The following SMCO2 variants were observed in gnomAD, a reference collection of about 807,000 sequenced individuals.
SMCO2 encodes single-pass membrane protein with coiled-coil domains 2.
In SMCO2, 25 loss-of-function variants were observed where a neutral mutation model predicts 29.5. The ratio of observed to expected loss-of-function variants is 0.85; its 90% CI spans 0.62 to 1.18. The LOEUF is 1.18. Ranked by LOEUF, SMCO2 falls within the 50% of genes most tolerant of loss-of-function variation. SMCO2 has a pLI of 0.00. For synonymous variants in SMCO2, 117 were observed against 123.3 expected (o/e 0.95, Z 0.34); for missense variants, 348 against 344.5 (o/e 1.01, Z -0.08).
chr12:27,489,019 T>G (rs144611147), intron 5 of SMCO2, among the ~76,000 whole-genome samples: 1 of 152,242 alleles, frequency 6.6e-6, no homozygotes, highest in African/African-American at 2.4e-5. Flanking sequence ...TCTTATAGAC[T>G]CTTCTCAAAT....
Position 27,470,703 on chromosome 12 carries a change from GCTGA to G in SMCO2, c.75_78del (p.Thr26ArgfsTer12). On this transcript the variant is annotated frameshift_variant, in exon 2 of 8. Coordinates refer to ENST00000298876, the Ensembl canonical transcript of SMCO2. LOFTEE classifies it high-confidence loss of function. ...TGAAGATGGACTGCCAGGAACAACAGCTGACTAAGAAAAACAATGGCTTTTTCCA... is the reference window on the plus strand; with the variant it reads ...TGAAGATGGACTGCCAGGAACAACAGCTAAGAAAAACAATGGCTTTTTCCA... 6.4e-7 allele frequency: 1 copy of G among 1,551,244 alleles called. No individual in the cohort carries two copies. Among genetic ancestry groups the G allele is most frequent in the East Asian group, 2.4e-5 (1 of 40,916 alleles).
chr12:27,440,861 AG>A, the SMCO2 span, among the ~76,000 whole-genome samples: 1 of 152,212 alleles, frequency 6.6e-6, no homozygotes, highest in Non-Finnish European at 1.5e-5. Context: ...ACAAAGCGAG[AG>A]AGGAGTCTCA....
chr12:27,478,715 T>C (rs1232215133), intron 4 of SMCO2, among the ~76,000 whole-genome samples: 1 of 151,992 alleles, frequency 6.6e-6, no homozygotes, highest in Non-Finnish European at 1.5e-5. Context: ...CCTTGAACAA[T>C]GTACATAGGC....
chr12:27,457,731 C>T, the SMCO2 span, among the ~76,000 whole-genome samples: 4 of 152,236 alleles, frequency 2.6e-5, no homozygotes, highest in South Asian at 2.1e-4. Flanking sequence ...AAAGCATCTT[C>T]CTGATTTCTG....
At chr12:27,430,219 T>C in the SMCO2 span, among the ~76,000 whole-genome samples, 2 of 152,216 alleles carry the variant, frequency 1.3e-5, no homozygotes, top group Non-Finnish European at 2.9e-5. Context: ...GGGAGTTGAA[T>C]TAATGTGATT....
At chr12:27,433,690 A>T in the SMCO2 span, among the ~76,000 whole-genome samples, 1 of 152,272 alleles carries the variant, frequency 6.6e-6, no homozygotes, top group Non-Finnish European at 1.5e-5. Flanking sequence ...TGAAGTCATT[A>T]TTAATTGGAT....
upstream of SMCO2, among the ~76,000 whole-genome samples, chr12:27,462,032 A>T (rs1281655303): frequency 6.6e-6 from 1 of 152,240 alleles, no homozygotes; most frequent in African/African-American, 2.4e-5. Context: ...CTGTTTGGAC[A>T]TCCTTTTATC....
chr12:27,497,933 G>A, intron 7 of SMCO2: 1 of 333,088 alleles, frequency 3.0e-6, no homozygotes, highest in Middle Eastern at 4.3e-4. Context: ...AGTCTCCCGT[G>A]CTGGATTTGG....
At chr12:27,485,491 C>A (rs923197777) in intron 4 of SMCO2, among the ~76,000 whole-genome samples, 1 of 147,700 alleles carries the variant, frequency 6.8e-6, no homozygotes, top group South Asian at 2.1e-4. Context: ...ACTCTGTCAC[C>A]TAGGCTGGAG....
chr12:27,495,655 G>A, intron 6 of SMCO2, 25 bp from the exon 8 acceptor site: 1 of 1,441,476 alleles, frequency 6.9e-7, no homozygotes, highest in Non-Finnish European at 9.3e-7. Flanking sequence ...TTTTTTTAAG[G>A]TACTTGATTA....
the SMCO2 span, among the ~76,000 whole-genome samples, chr12:27,459,351 C>T: frequency 5.6e-3 from 855 of 152,208 alleles, 7 homozygotes; most frequent in African/African-American, 0.019. Context: ...GGCCATTATC[C>T]TATGCAAACT....
rs753505481 is a variant in SMCO2 at position 27,502,035 on chromosome 12, A to G, written c.796A>G (p.Met266Val). The change falls in exon 8 of 8, where the codon ATG becomes GTG. Residue 266 changes from methionine (M) to valine (V), a missense_variant. Coordinates refer to ENST00000298876, the Ensembl canonical transcript of SMCO2. ...TCTCTTTGAAAGGGTGCTTCTGAGA[A>G]TGCTTGGGTGCCGCACCACATGGGA... The G allele has an allele frequency of 2.0e-5, 31 of 1,548,214 alleles. 2 individuals carry two copies. The Middle Eastern group carries it at 1.8e-3, about 92-fold the overall frequency.
chr12:27,445,145 T>A, the SMCO2 span, among the ~76,000 whole-genome samples: 1 of 151,790 alleles, frequency 6.6e-6, no homozygotes, highest in East Asian at 1.9e-4. Flanking sequence ...AAAAAGTGAA[T>A]CTCGTGAAGA....
intron 4 of SMCO2, 142 bp from the exon 5 acceptor site, chr12:27,475,440 A>G (rs1949577274): frequency 1.4e-6 from 1 of 732,256 alleles, no homozygotes; most frequent in African/African-American, 1.9e-5. Flanking sequence ...TCTTTTCTTG[A>G]GGCTTGTGTG....
chr12:27,474,667 A>G, intron 3 of SMCO2, 119 bp from the exon 4 acceptor site: 1 of 1,146,368 alleles, frequency 8.7e-7, no homozygotes, highest in South Asian at 1.5e-5. Flanking sequence ...AGAAAGCTCC[A>G]GTCTCAGAGA....
chr12:27,461,614 T>C, the SMCO2 span, among the ~76,000 whole-genome samples: 2 of 152,250 alleles, frequency 1.3e-5, no homozygotes, highest in African/African-American at 4.8e-5. Context: ...TGACGATGAA[T>C]ATTTACTTAT....
At chr12:27,442,259 T>C in the SMCO2 span, among the ~76,000 whole-genome samples, 4 of 152,068 alleles carry the variant, frequency 2.6e-5, no homozygotes, top group Non-Finnish European at 4.4e-5. Context: ...AAATGAAAAG[T>C]TGGCTTTTTG....
the SMCO2 span, among the ~76,000 whole-genome samples, chr12:27,442,610 G>T: frequency 0.6 from 90,728 of 152,030 alleles, 27,848 homozygotes; most frequent in Middle Eastern, 0.75. Context: ...ACCAACCATT[G>T]ATTTATTTAT....
intron 4 of SMCO2, among the ~76,000 whole-genome samples, chr12:27,477,634 C>CTTTTTTTTTTTTTTTTTTTTTTTTTTTT (rs3051833): frequency 9.1e-6 from 1 of 109,652 alleles, no homozygotes; most frequent in African/African-American, 3.8e-5. Context: ...CTTTTTCATT[C>CTTTTTTTTTTTTTTTTTTTTTTTTTTTT]TTTTTTTTTT....
Sources: gnomAD v4.1 joint callset for allele counts (sites outside exome capture counted in the v4.1 genomes callset) on GRCh38, gnomAD v4.1.1 for gene constraint, MANE v1.5 for transcripts, NCBI Gene and HGNC (gene_info 2026-07-23, HGNC 2026-07-21) for gene names.